The following FRYL variants were observed in gnomAD, a reference collection of about 807,000 sequenced individuals.
FRYL encodes FRY like transcription coactivator, also known as protein furry homolog-like.
Under a neutral mutation model 351.2 loss-of-function variants are expected in FRYL, and 150 were observed. That is an observed-to-expected ratio of 0.43 (90% CI 0.37 to 0.49). The LOEUF (loss-of-function observed/expected upper bound fraction) is 0.49, where lower values mean the gene tolerates loss of function less well. Ranked by LOEUF, FRYL falls within the 20% of genes least tolerant of loss-of-function variation. FRYL has a pLI of 0.00. For synonymous variants in FRYL, 1,153 were observed against 1,257.1 expected (o/e 0.92, Z 1.75); for missense variants, 3,036 against 3,619.3 (o/e 0.84, Z 4.13).
chr4:48,647,393 T>G (rs1215620243), intron 3 of FRYL, among the ~76,000 whole-genome samples: 2 of 152,230 alleles, frequency 1.3e-5, no homozygotes, highest in Non-Finnish European at 2.9e-5. Flanking sequence ...CTGGCCTGTT[T>G]GCGTATTCTC....
chr4:48,700,708 G>A (rs1475166614), intron 2 of FRYL, among the ~76,000 whole-genome samples: 5 of 151,164 alleles, frequency 3.3e-5, no homozygotes, highest in Non-Finnish European at 7.4e-5. Context: ...AGGCTGAGGT[G>A]GGAGGATCGC....
At chr4:48,663,298 AT>A (rs1489087054) in intron 3 of FRYL, among the ~76,000 whole-genome samples, 1 of 150,468 alleles carries the variant, frequency 6.6e-6, no homozygotes, top group African/African-American at 2.4e-5. Flanking sequence ...AATTCATTTT[AT>A]AAACCCCAGA....
At chr4:48,711,971 C>A (rs951033801) in intron 1 of FRYL, among the ~76,000 whole-genome samples, 4 of 152,184 alleles carry the variant, frequency 2.6e-5, no homozygotes, top group Non-Finnish European at 5.9e-5. Flanking sequence ...CTGGAGTGGA[C>A]CTTTAGCAAA....
chr4:48,617,201 T>C (rs1400096605), intron 7 of FRYL, among the ~76,000 whole-genome samples: 1 of 152,060 alleles, frequency 6.6e-6, no homozygotes, highest in Non-Finnish European at 1.5e-5. Flanking sequence ...GTTGGAATAA[T>C]ATGGTGACAG....
chr4:48,622,511 G>T (rs1219361059), intron 5 of FRYL, among the ~76,000 whole-genome samples: 1 of 152,136 alleles, frequency 6.6e-6, no homozygotes, highest in Non-Finnish European at 1.5e-5. Flanking sequence ...TCTCCACTAA[G>T]TAATTCTAAC....
chr4:48,627,718 G>T (rs2149345332), intron 4 of FRYL, among the ~76,000 whole-genome samples: 1 of 152,200 alleles, frequency 6.6e-6, no homozygotes, highest in Middle Eastern at 3.4e-3. Flanking sequence ...AACTTCTTAG[G>T]TTCATTATAG....
chr4:48,522,952 C>T lies in FRYL; in HGVS notation c.7470G>A (p.Ser2490=), dbSNP rs781564510. Residue 2490 remains serine (S), a synonymous_variant, in exon 54 of 64, where the codon TCG becomes TCA. Transcript: ENST00000358350. ...TTGCTGTAAGTGCCGCTTCTTCTTC[C>T]GAGGACTCATCTGTATCCTCCTGAT... ...LTNQEDTDES[S]EEEAALTASQ... 20 of 1,613,816 alleles carry T rather than the reference C, an allele frequency of 1.2e-5. No homozygotes were observed. The highest frequency in any genetic ancestry group is 6.7e-5 in the East Asian group (3 of 44,876).
intron 7 of FRYL, among the ~76,000 whole-genome samples, chr4:48,610,424 T>G (rs1747814007): frequency 6.6e-6 from 1 of 151,850 alleles, no homozygotes; most frequent in Admixed American, 6.6e-5. Context: ...CAACTTCATG[T>G]ACATCCTTCC....
chr4:48,573,049 G>T lies in FRYL; in HGVS notation c.2904+137C>A, dbSNP rs562583533. ...AATGGGTTTCTGCATAAGATCTTCT[G>T]CGGGGAGGGGAAGTGTCTGCATCTT... On this transcript the variant is annotated intron_variant, in intron 26 of 63. Transcript: ENST00000358350. The T allele has an allele frequency of 1.3e-5, 8 of 608,606 alleles. No individual in the cohort carries two copies. In the South Asian group the frequency reaches 1.6e-4, roughly 12 times the overall value. 37.7% of individuals were successfully genotyped at this position (608,606 alleles called of 1,614,324 possible).
At chr4:48,740,017 C>G (rs1771870302) in intron 1 of FRYL, among the ~76,000 whole-genome samples, 1 of 152,112 alleles carries the variant, frequency 6.6e-6, no homozygotes. Context: ...AGTCCCTCAA[C>G]CTTGGACTTC....
chr4:48,636,201 C>G (rs1469735614), intron 3 of FRYL, among the ~76,000 whole-genome samples: 1 of 152,004 alleles, frequency 6.6e-6, no homozygotes, highest in African/African-American at 2.4e-5. Flanking sequence ...GTTTCATGAT[C>G]CAACATTGTG....
chr4:48,630,067 T>C lies in FRYL; in HGVS notation c.120+4224A>G, dbSNP rs536427568. On this transcript the variant is annotated intron_variant, in intron 4 of 63. Coordinates refer to ENST00000358350, the MANE Select transcript of FRYL (RefSeq NM_015030.2). ...AACCCCAGTTATCTTCTGAGTCTAG[T>C]TCCCCAGAATGCTTGCAGCTAAAGC... Among the ~76,000 whole-genome samples, 12 of 152,216 alleles carry C rather than the reference T, an allele frequency of 7.9e-5. No homozygotes were observed. In the South Asian group the frequency reaches 2.5e-3, roughly 32 times the overall value.
chr4:48,587,146 T>C (rs1483953917), intron 18 of FRYL, among the ~76,000 whole-genome samples: 1 of 152,036 alleles, frequency 6.6e-6, no homozygotes, highest in Non-Finnish European at 1.5e-5. Flanking sequence ...ATTAGCCACA[T>C]TGTTTTCACT....
chr4:48,705,568 A>AC (rs1000109995), intron 2 of FRYL, among the ~76,000 whole-genome samples: 8 of 151,818 alleles, frequency 5.3e-5, no homozygotes, highest in South Asian at 2.1e-4. Flanking sequence ...AAAAAAAAAA[A>AC]AACAAAGTTT....
intron 56 of FRYL, among the ~76,000 whole-genome samples, chr4:48,514,154 A>C (rs539601248): frequency 6.6e-6 from 1 of 152,166 alleles, no homozygotes; most frequent in Non-Finnish European, 1.5e-5. Flanking sequence ...TGTAATTTTT[A>C]TTGTAAAAGT....
At chr4:48,760,479 G>A (rs1056680355) in intron 1 of FRYL, among the ~76,000 whole-genome samples, 15 of 152,174 alleles carry the variant, frequency 9.9e-5, no homozygotes, top group African/African-American at 3.4e-4. Context: ...TATATAGTCT[G>A]CAAATAAAGA....
In FRYL at chr4:48,710,672, G is replaced by T; in HGVS notation, c.-357C>A. 2.5e-6 allele frequency: 1 copy of T among 398,356 alleles called. No homozygotes were observed. The highest frequency in any genetic ancestry group is 4.4e-6 in the Non-Finnish European group (1 of 225,938). 24.7% of individuals were successfully genotyped at this position (398,356 alleles called of 1,614,324 possible). On this transcript the variant is annotated 5_prime_UTR_variant, in exon 2 of 64. Coordinates refer to ENST00000358350, the MANE Select transcript of FRYL (RefSeq NM_015030.2). ...AGCAGTAGTGAGTGAGTCACCGTGT[G>T]TGAAGCAGAATATGGAATGTTCTAG... is the stretch of plus-strand genomic sequence containing the variant.
chr4:48,645,514 T>C (rs1229028028), intron 3 of FRYL, among the ~76,000 whole-genome samples: 3 of 152,188 alleles, frequency 2.0e-5, no homozygotes, highest in Admixed American at 1.3e-4. Flanking sequence ...TTCTTTATGA[T>C]GATTCCACTC....
intron 10 of FRYL, 68 bp from the exon 11 acceptor site, chr4:48,605,901 A>T: frequency 1.0e-6 from 1 of 958,868 alleles, no homozygotes; most frequent in Non-Finnish European, 1.6e-6. Flanking sequence ...GTAATATCAC[A>T]TCATTTTGTG....
Sources: allele counts gnomAD v4.1 joint callset (sites outside exome capture counted in the v4.1 genomes callset), GRCh38; gene constraint gnomAD v4.1.1; transcripts MANE v1.5; gene names NCBI Gene and HGNC (gene_info 2026-07-23, HGNC 2026-07-21).